The following PSMD9 variants were observed in gnomAD, a reference collection of about 807,000 sequenced individuals.
PSMD9 encodes proteasome 26S subunit, non-ATPase 9.
Under a neutral mutation model 25.9 loss-of-function variants are expected in PSMD9, and 26 were observed. The observed-to-expected ratio is 1.00, with a 90% confidence interval of 0.73 to 1.39. The LOEUF is 1.39. Among genes scored for constraint, PSMD9 ranks in the 40% most tolerant of loss-of-function variants. The pLI is 0.00. For missense variants in PSMD9, 303 were observed against 299.3 expected, an observed-to-expected ratio of 1.01 and a Z score of -0.09; for synonymous variants, 110 against 114.5, an observed-to-expected ratio of 0.96 and a Z score of 0.25.
intron 4 of PSMD9, among the ~76,000 whole-genome samples, chr12:121,912,554 G>A (rs1255146802): frequency 6.6e-6 from 1 of 151,990 alleles, no homozygotes; most frequent in African/African-American, 2.4e-5. Flanking sequence ...TTGATCATTT[G>A]TATATCTTCT....
intron 1 of PSMD9, among the ~76,000 whole-genome samples, chr12:121,891,685 C>T (rs560793225): frequency 1.1e-4 from 17 of 151,372 alleles, no homozygotes; most frequent in Non-Finnish European, 2.4e-4. Context: ...GTGTGTGGAT[C>T]GCTTGAGGTC....
intron 4 of PSMD9, among the ~76,000 whole-genome samples, chr12:121,913,534 C>T (rs1215273153): frequency 1.3e-5 from 2 of 150,470 alleles, no homozygotes; most frequent in Non-Finnish European, 3.0e-5. Context: ...CTCTGTCACC[C>T]AGGCTGGAGT....
At chr12:121,916,085 T>C (rs1239473034) in intron 5 of PSMD9, 141 bp downstream of exon 5, 1 of 1,175,856 alleles carries the variant, frequency 8.5e-7, no homozygotes, top group African/African-American at 1.5e-5. Context: ...TAAATCCTCG[T>C]GGTAGGAACG....
chr12:121,892,455 C>T (rs566953524), intron 1 of PSMD9, among the ~76,000 whole-genome samples: 3 of 152,214 alleles, frequency 2.0e-5, no homozygotes, highest in African/African-American at 7.2e-5. Context: ...AATCCCAGCA[C>T]TTTGGGAGGC....
intron 4 of PSMD9, chr12:121,914,776 C>T (rs1339674632): frequency 6.6e-6 from 1 of 152,006 alleles, no homozygotes; most frequent in African/African-American, 2.4e-5. Context: ...ATTGCTTGAA[C>T]CTAGGAGGCT....
intron 3 of PSMD9, among the ~76,000 whole-genome samples, chr12:121,900,258 C>T (rs1879352457): frequency 1.3e-5 from 2 of 152,136 alleles, no homozygotes; most frequent in African/African-American, 4.8e-5. Flanking sequence ...CGTGTAATCC[C>T]AGCACTTGAG....
At chr12:121,892,612 A>G (rs1271527684) in intron 1 of PSMD9, among the ~76,000 whole-genome samples, 2 of 152,054 alleles carry the variant, frequency 1.3e-5, no homozygotes, top group Non-Finnish European at 2.9e-5. Flanking sequence ...GAGGCAGGAG[A>G]AGGGCCTGAA....
rs1391315065 is a variant in PSMD9, at chr12:121,917,128, C to T, written c.*817C>T. 1 of 152,310 alleles carries T rather than the reference C, an allele frequency of 6.6e-6. No homozygotes were observed. The highest frequency in any genetic ancestry group is 2.4e-5 in the African/African-American group (1 of 41,438). 9.4% of individuals were successfully genotyped at this position (152,310 alleles called of 1,614,324 possible). On this transcript the variant is annotated 3_prime_UTR_variant, in exon 6 of 6. Coordinates refer to ENST00000541212, the MANE Select transcript of PSMD9 (RefSeq NM_002813.7). ...GCCTCAGCCGCCCAAGTATCTGGGA[C>T]CACAGGCGTGCACCACCATGCATAG...
At chr12:121,895,787 C>T (rs1438214826) in intron 2 of PSMD9, among the ~76,000 whole-genome samples, 1 of 152,178 alleles carries the variant, frequency 6.6e-6, no homozygotes, top group Admixed American at 6.5e-5. Flanking sequence ...ATCTTAAGGT[C>T]CTTAATCACA....
rs1879954235 is a variant in PSMD9 at position 121,917,545 on chromosome 12, T to C, written c.*1234T>C. On this transcript the variant is annotated 3_prime_UTR_variant, in exon 6 of 6. Coordinates refer to ENST00000541212, the MANE Select transcript of PSMD9 (RefSeq NM_002813.7). ...AGTTCTTGCACACCGCTTTCTGTTTTGGCAGTTCTGCCAGGCAAGCCCTGT... is the reference window on the plus strand; with the variant it reads ...AGTTCTTGCACACCGCTTTCTGTTTCGGCAGTTCTGCCAGGCAAGCCCTGT... 6.6e-6 allele frequency: 1 copy of C among 152,258 alleles called. No individual in the cohort carries two copies. The highest frequency in any genetic ancestry group is 2.1e-4 in the South Asian group (1 of 4,838). The allele number at this position is 152,258 out of a possible 1,614,324, so 9.4% of individuals were successfully genotyped here.
intron 4 of PSMD9, among the ~76,000 whole-genome samples, chr12:121,913,457 T>G (rs1879798238): frequency 6.6e-6 from 1 of 151,938 alleles, no homozygotes. Flanking sequence ...TGTTAAATCC[T>G]TATTAGATAT....
intron 2 of PSMD9, among the ~76,000 whole-genome samples, chr12:121,895,911 C>A (rs1879215375): frequency 6.6e-6 from 1 of 152,246 alleles, no homozygotes; most frequent in South Asian, 2.1e-4. Context: ...ACCGTCTCCA[C>A]CACAGAGTCC....
At position 121,894,785 on chromosome 12, in the gene PSMD9, A is replaced by T; in HGVS notation, c.185A>T (p.Tyr62Phe). The T allele has an allele frequency of 1.2e-6, 2 of 1,613,996 alleles. No homozygotes were observed. Among genetic ancestry groups the T allele is most frequent in the Non-Finnish European group, 1.7e-6 (2 of 1,179,998 alleles). Residue 62 changes from tyrosine to phenylalanine, a missense_variant, in exon 2 of 6, where the codon TAC becomes TTC. Physicochemically the swap from Tyr to Phe is conservative, Grantham distance 22. Transcript: ENST00000541212. ...MNEPLVDCEG[Y>F]PRSDVDLYQV... ...GAGCCGCTGGTGGACTGTGAGGGCT[A>T]CCCCCGGTCAGACGTGGACCTGTAC...
intron 1 of PSMD9, among the ~76,000 whole-genome samples, chr12:121,891,247 A>G (rs1228425653): frequency 2.1e-5 from 3 of 143,658 alleles, no homozygotes; most frequent in Non-Finnish European, 4.5e-5. Context: ...AGGGAGCTAT[A>G]ATTGCACCAC....
At chr12:121,904,582 A>AAATTCTTTT (rs1437296196) in intron 4 of PSMD9, among the ~76,000 whole-genome samples, 1 of 150,584 alleles carries the variant, frequency 6.6e-6, no homozygotes. Flanking sequence ...TCAAAAAAAG[A>AAATTCTTTT]AATTCTTTTA....
chr12:121,892,565 G>A (rs1374668915), intron 1 of PSMD9, among the ~76,000 whole-genome samples: 1 of 152,112 alleles, frequency 6.6e-6, no homozygotes, highest in African/African-American at 2.4e-5. Context: ...GCCGGGTGTG[G>A]TGGCAGACGC....
chr12:121,907,619 TC>T (rs1333160426), intron 4 of PSMD9, among the ~76,000 whole-genome samples: 3 of 152,250 alleles, frequency 2.0e-5, no homozygotes, highest in Non-Finnish European at 4.4e-5. Context: ...ATGAAAATGA[TC>T]CAGAATTAGA....
chr12:121,900,425 T>C (rs551967860), intron 3 of PSMD9, among the ~76,000 whole-genome samples: 182 of 151,894 alleles, frequency 1.2e-3, no homozygotes, highest in African/African-American at 4.2e-3. Context: ...GAGCATTGGC[T>C]CACGCCTGTA....
intron 3 of PSMD9, 40 bp downstream of exon 3, chr12:121,899,885 A>T (rs1565892136): frequency 1.2e-6 from 2 of 1,608,862 alleles, no homozygotes; most frequent in African/African-American, 2.7e-5. Context: ...TGCCCAGGGG[A>T]CACGGTGGGT....
Sources: gnomAD v4.1 joint callset for allele counts (sites outside exome capture counted in the v4.1 genomes callset) on GRCh38, gnomAD v4.1.1 for gene constraint, MANE v1.5 for transcripts, NCBI Gene and HGNC (gene_info 2026-07-23, HGNC 2026-07-21) for gene names.